The following ARPC4 variants were observed in gnomAD, a reference collection of about 807,000 sequenced individuals.
The protein encoded by ARPC4 is actin-related protein 2/3 complex subunit 4.
A neutral mutation model predicts 22.8 loss-of-function variants in ARPC4; 3 were observed. That is an observed-to-expected ratio of 0.13 (90% CI 0.06 to 0.34). The LOEUF (loss-of-function observed/expected upper bound fraction) is 0.34, where lower values mean the gene tolerates loss of function less well. Ranked by LOEUF, ARPC4 falls within the 10% of genes least tolerant of loss-of-function variation. The pLI is 1.00. For synonymous variants in ARPC4, 80 were observed against 72.5 expected, an observed-to-expected ratio of 1.10 and a Z score of -0.52; for missense variants, 98 against 211.0, an observed-to-expected ratio of 0.46 and a Z score of 3.32.
In ARPC4 at chr3:9,793,158, G is replaced by T. The variant is rs756934043; in HGVS notation, c.3+34G>T. 2.6e-6 allele frequency: 4 copies of T among 1,536,636 alleles called. No individual in the cohort carries two copies. In the South Asian group the frequency reaches 4.8e-5, roughly 18 times the overall value. On this transcript the variant is annotated intron_variant, in intron 1 of 5. Coordinates refer to ENST00000397261, the MANE Select transcript of ARPC4 (RefSeq NM_005718.5). ...GCCGGGCCCCCGGCCAGGGACCCCC[G>T]GCTGTTCGGCCTCAGGGCAGTGGGT... is the stretch of plus-strand genomic sequence containing the variant.
chr3:9,799,126 A>G (rs1363741109), intron 2 of ARPC4, among the ~76,000 whole-genome samples: 2 of 152,210 alleles, frequency 1.3e-5, no homozygotes, highest in East Asian at 1.9e-4. Flanking sequence ...ATTCAGAGGC[A>G]TTACTTTGTA....
intron 2 of ARPC4, 57 bp from the exon 3 acceptor site, chr3:9,800,128 C>A: frequency 6.3e-7 from 1 of 1,575,026 alleles, no homozygotes; most frequent in Non-Finnish European, 8.7e-7. Flanking sequence ...TGCGTGGGGT[C>A]ACTCTGACTA....
chr3:9,792,979 A>G (rs558794986), upstream of ARPC4: 22 of 1,430,406 alleles, frequency 1.5e-5, no homozygotes, highest in East Asian at 6.1e-4. Flanking sequence ...AGCGTTCGTA[A>G]GGGCTCTCTA....
intron 1 of ARPC4, among the ~76,000 whole-genome samples, chr3:9,793,468 A>G (rs768038225): frequency 2.0e-5 from 3 of 152,190 alleles, no homozygotes; most frequent in Non-Finnish European, 4.4e-5. Context: ...TGAGGCATGA[A>G]GCAAGTCCAC....
upstream of ARPC4, chr3:9,792,780 A>T (rs549516292): frequency 2.2e-4 from 283 of 1,258,572 alleles, 4 homozygotes; most frequent in South Asian, 7.8e-3. Flanking sequence ...GGCTTGTCCT[A>T]ATTTGGTGCC....
chr3:9,804,168 T>C, intron 5 of ARPC4, 155 bp downstream of exon 5: 3 of 767,340 alleles, frequency 3.9e-6, no homozygotes, highest in Non-Finnish European at 6.0e-6. Flanking sequence ...TCAGGTGCTT[T>C]GGAGCTAGAG....
Position 9,806,298 on chromosome 3 carries a change from C to CGCG in ARPC4, c.*92_*94dup, listed in dbSNP as rs1009803236. On this transcript the variant is annotated 3_prime_UTR_variant, in exon 6 of 6. Transcript: ENST00000397261. ...CGTCCTGGAGTCACTCCCCGAGCAG[C>CGCG]GCGGCGGCGGCAGGGAGTTGGGTTG... 1.3e-6 allele frequency: 2 copies of CGCG among 1,511,916 alleles called. No individual in the cohort carries two copies. Among genetic ancestry groups the CGCG allele is most frequent in the African/African-American group, 1.4e-5 (1 of 72,658 alleles). 93.7% of individuals were successfully genotyped at this position (1,511,916 alleles called of 1,614,324 possible).
upstream of ARPC4, chr3:9,793,013 C>G (rs2078780902): frequency 6.6e-7 from 1 of 1,526,286 alleles, no homozygotes; most frequent in African/African-American, 1.4e-5. Flanking sequence ...ATAGATGGTA[C>G]CGTCCGGAAG....
chr3:9,796,287 G>A (rs1296688174), intron 1 of ARPC4, among the ~76,000 whole-genome samples: 1 of 152,148 alleles, frequency 6.6e-6, no homozygotes, highest in East Asian at 1.9e-4. Context: ...CCAGCTACTC[G>A]GGAGGCTGAA....
intron 2 of ARPC4, among the ~76,000 whole-genome samples, chr3:9,798,597 C>T (rs781665668): frequency 4.0e-5 from 6 of 151,794 alleles, no homozygotes; most frequent in African/African-American, 1.2e-4. Flanking sequence ...GTAAATAGGC[C>T]GGGCACAGTG....
intron 1 of ARPC4, among the ~76,000 whole-genome samples, chr3:9,797,077 A>G (rs1575323680): frequency 9.8e-6 from 1 of 102,438 alleles, no homozygotes; most frequent in Non-Finnish European, 2.1e-5. Flanking sequence ...TTTATATCAT[A>G]GTTATTTTCT....
chr3:9,792,649 C>G (rs1164722045), upstream of ARPC4: 3 of 1,229,870 alleles, frequency 2.4e-6, no homozygotes, highest in Non-Finnish European at 3.0e-6. Context: ...GGAGGCGGAG[C>G]TTGGCGGCCG....
intron 5 of ARPC4, 21 bp from the exon 6 acceptor site, chr3:9,806,189 G>T: frequency 2.5e-6 from 4 of 1,613,682 alleles, no homozygotes; most frequent in Non-Finnish European, 3.4e-6. Context: ...ACCATGCACT[G>T]CCTCTTGGTT....
At chr3:9,795,685 G>A (rs924655911) in intron 1 of ARPC4, among the ~76,000 whole-genome samples, 4 of 152,216 alleles carry the variant, frequency 2.6e-5, no homozygotes, top group Non-Finnish European at 1.5e-5. Flanking sequence ...GGAAATGAGT[G>A]AGACACTGTA....
At chr3:9,796,476 C>T (rs1351525157) in intron 1 of ARPC4, among the ~76,000 whole-genome samples, 2 of 152,168 alleles carry the variant, frequency 1.3e-5, no homozygotes, top group Non-Finnish European at 2.9e-5. Flanking sequence ...CAAGGTCTCT[C>T]TCAAGAGGCC....
chr3:9,797,048 A>T (rs1357924648), intron 1 of ARPC4, among the ~76,000 whole-genome samples: 2 of 150,996 alleles, frequency 1.3e-5, no homozygotes, highest in Non-Finnish European at 2.9e-5. Flanking sequence ...TTGTAAATCT[A>T]AATATTTCAC....
intron 3 of ARPC4, 36 bp downstream of exon 3, chr3:9,800,332 T>A: frequency 2.5e-6 from 4 of 1,603,418 alleles, no homozygotes; most frequent in Non-Finnish European, 3.4e-6. Flanking sequence ...ACGTAAGGCC[T>A]CTTTCAGTCC....
chr3:9,806,288 C>T lies in ARPC4; in HGVS notation c.*73C>T, dbSNP rs2079105987. ...TCCACGAAGGCGTCCTGGAGTCACT[C>T]CCCGAGCAGCGCGGCGGCGGCAGGG... On this transcript the variant is annotated 3_prime_UTR_variant, in exon 6 of 6. Transcript: ENST00000397261. 1 of 1,547,624 alleles carries T rather than the reference C, an allele frequency of 6.5e-7. No homozygotes were observed. The highest frequency in any genetic ancestry group is 8.9e-7 in the Non-Finnish European group (1 of 1,119,426).
chr3:9,803,285 T>C (rs1040452577), intron 4 of ARPC4, among the ~76,000 whole-genome samples: 1 of 152,198 alleles, frequency 6.6e-6, no homozygotes, highest in Non-Finnish European at 1.5e-5. Context: ...AAACTTAAAA[T>C]ATCCCCAGTG....
Sources: allele counts gnomAD v4.1 joint callset (sites outside exome capture counted in the v4.1 genomes callset), GRCh38; gene constraint gnomAD v4.1.1; transcripts MANE v1.5; gene names NCBI Gene and HGNC (gene_info 2026-07-23, HGNC 2026-07-21).